The following CNST variants were observed in gnomAD, a reference collection of about 807,000 sequenced individuals.
CNST encodes the protein consortin, connexin sorting protein.
Under a neutral mutation model 72.4 loss-of-function variants are expected in CNST, and 39 were observed. The ratio of observed to expected loss-of-function variants is 0.54; its 90% confidence interval spans 0.42 to 0.70. The LOEUF is 0.70. Ranked by LOEUF, CNST falls within the 30% of genes least tolerant of loss-of-function variation. CNST has a pLI of 0.00. For synonymous variants in CNST, 332 were observed against 320.1 expected (o/e 1.04, Z -0.40); for missense variants, 871 against 868.5 (o/e 1.00, Z -0.04).
chr1:246,637,753 G>A (rs1364507947), intron 6 of CNST, among the ~76,000 whole-genome samples: 2 of 152,162 alleles, frequency 1.3e-5, no homozygotes, highest in Admixed American at 6.5e-5. Context: ...GTGAAGGTGG[G>A]CCTGTTATTG....
chr1:246,650,656 A>C (rs866211289), intron 9 of CNST, among the ~76,000 whole-genome samples: 2 of 150,070 alleles, frequency 1.3e-5, no homozygotes, highest in Middle Eastern at 3.4e-3. Flanking sequence ...AGATTTGAAC[A>C]TATAAAATTT....
intron 8 of CNST, among the ~76,000 whole-genome samples, chr1:246,646,106 C>T (rs1666047499): frequency 6.6e-6 from 1 of 151,830 alleles, no homozygotes; most frequent in South Asian, 2.1e-4. Context: ...GGTGAAACCC[C>T]ATCTCTACTA....
At chr1:246,585,318 G>A (rs1369832751) in intron 1 of CNST, among the ~76,000 whole-genome samples, 1 of 152,110 alleles carries the variant, frequency 6.6e-6, no homozygotes, top group Non-Finnish European at 1.5e-5. Context: ...GCCCTTGCCA[G>A]AAGTACAAGC....
chr1:246,569,894 T>C, intron 1 of CNST: 1 of 973,882 alleles, frequency 1.0e-6, no homozygotes, highest in Non-Finnish European at 1.2e-6. Context: ...GTCGACTAAA[T>C]TGTAGGGAGA....
chr1:246,652,820 C>G (rs369129835), intron 9 of CNST, among the ~76,000 whole-genome samples: 1 of 150,206 alleles, frequency 6.7e-6, no homozygotes, highest in Non-Finnish European at 1.5e-5. Flanking sequence ...CTGGCTAACA[C>G]GGTGAAACCC....
chr1:246,622,682 G>A (rs1051884775), intron 3 of CNST, among the ~76,000 whole-genome samples: 1 of 152,148 alleles, frequency 6.6e-6, no homozygotes, highest in Non-Finnish European at 1.5e-5. Flanking sequence ...GATTGAGAGG[G>A]TGTAGATGTT....
intron 6 of CNST, among the ~76,000 whole-genome samples, chr1:246,634,876 T>G (rs1251670920): frequency 6.6e-6 from 1 of 151,820 alleles, no homozygotes; most frequent in African/African-American, 2.4e-5. Flanking sequence ...TTTTACAGTC[T>G]CCTGTAAACA....
chr1:246,578,316 T>A (rs1210047091), intron 1 of CNST, among the ~76,000 whole-genome samples: 1 of 152,070 alleles, frequency 6.6e-6, no homozygotes, highest in African/African-American at 2.4e-5. Flanking sequence ...TAAAATAAGC[T>A]CTAAAATTAT....
At chr1:246,660,381 G>A (rs1374949173) in intron 10 of CNST, 47 bp downstream of exon 10, 4 of 1,582,342 alleles carry the variant, frequency 2.5e-6, no homozygotes, top group African/African-American at 2.7e-5. Flanking sequence ...CTCAGTGTTT[G>A]CTGAAAGGAT....
intron 1 of CNST, among the ~76,000 whole-genome samples, chr1:246,569,624 C>A (rs1307157785): frequency 6.6e-6 from 1 of 152,188 alleles, no homozygotes; most frequent in Non-Finnish European, 1.5e-5. Flanking sequence ...ATTGCCCAGG[C>A]TGGAGTGCAG....
chr1:246,589,528 C>G (rs10218439), intron 1 of CNST, among the ~76,000 whole-genome samples: 138,160 of 151,726 alleles, frequency 0.91, 62,890 homozygotes, highest in South Asian at 0.93. Flanking sequence ...TGGACATTTG[C>G]GTTGGTTCCA....
chr1:246,614,927 C>T (rs1572180579), intron 2 of CNST, among the ~76,000 whole-genome samples: 1 of 152,082 alleles, frequency 6.6e-6, no homozygotes, highest in African/African-American at 2.4e-5. Flanking sequence ...ATCTGCCGAT[C>T]AATGCTAGAC....
chr1:246,654,825 T>G (rs1176092869), intron 9 of CNST, among the ~76,000 whole-genome samples: 9 of 1,956 alleles, frequency 4.6e-3, no homozygotes, highest in African/African-American at 0.02. Context: ...TTATCTGTGT[T>G]TTTTTTTTTA....
chr1:246,646,523 C>T (rs1666082683), intron 8 of CNST, among the ~76,000 whole-genome samples: 1 of 152,014 alleles, frequency 6.6e-6, no homozygotes, highest in African/African-American at 2.4e-5. Flanking sequence ...TCTTGTTGCC[C>T]AGGCTGGAGT....
In CNST at chr1:246,622,651, TAGA is replaced by T. The variant is rs755596658; in HGVS notation, c.585+1025_585+1027del. ...GAGTGCCTGAATCACATTTGCATTT[TAGA>T]AGAAGAACTCTTTTGAGGATTGAGA... On this transcript the variant is annotated intron_variant, in intron 3 of 10. Transcript: ENST00000366513. Among the ~76,000 whole-genome samples, 17 of 152,296 alleles carry T rather than the reference TAGA, an allele frequency of 1.1e-4. No individual in the cohort carries two copies. The South Asian group carries it at 1.9e-3, about 17-fold the overall frequency.
intron 2 of CNST, among the ~76,000 whole-genome samples, chr1:246,604,578 CTGTT>C (rs1342860003): frequency 1.3e-5 from 2 of 152,068 alleles, no homozygotes; most frequent in Non-Finnish European, 2.9e-5. Flanking sequence ...GAAAATTTCA[CTGTT>C]TGGTTTGCTT....
rs1397809482 is a variant in CNST at position 246,566,572 on chromosome 1, C to G, written c.-143C>G. The G allele has an allele frequency of 2.5e-6, 1 of 405,620 alleles. No homozygotes were observed. Among genetic ancestry groups the G allele is most frequent in the African/African-American group, 2.1e-5 (1 of 48,710 alleles). The allele number at this position is 405,620 out of a possible 1,614,324, so 25.1% of individuals were successfully genotyped here. On this transcript the variant is annotated 5_prime_UTR_variant, in exon 1 of 11. Coordinates refer to ENST00000366513, the MANE Select transcript of CNST (RefSeq NM_152609.3). ...GAGCCAGGGGAGACCCGAGCAAGCT[C>G]CGTGACAGCACGTCGGCCGCCATGT... is the stretch of plus-strand genomic sequence containing the variant.
chr1:246,578,914 GT>G (rs1020980743), intron 1 of CNST, among the ~76,000 whole-genome samples: 1 of 152,124 alleles, frequency 6.6e-6, no homozygotes, highest in Non-Finnish European at 1.5e-5. Flanking sequence ...TTACCTATTA[GT>G]GCTTCAAATT....
At chr1:246,660,087 G>T in intron 9 of CNST, 112 bp from the exon 10 acceptor site, 3 of 786,296 alleles carry the variant, frequency 3.8e-6, no homozygotes, top group Admixed American at 2.6e-5. Flanking sequence ...TATAGGAATT[G>T]GATACCCCTG....
Sources: allele counts gnomAD v4.1 joint callset (sites outside exome capture counted in the v4.1 genomes callset), GRCh38; gene constraint gnomAD v4.1.1; transcripts MANE v1.5; gene names NCBI Gene and HGNC (gene_info 2026-07-23, HGNC 2026-07-21).